The following MBTD1 variants were observed in gnomAD, a reference collection of about 807,000 sequenced individuals.
MBTD1 encodes mbt domain containing 1.
Under a neutral mutation model 87.8 loss-of-function variants are expected in MBTD1, and 24 were observed. The ratio of observed to expected loss-of-function variants is 0.27; its 90% CI spans 0.20 to 0.38. The LOEUF is 0.38. Ranked by LOEUF, MBTD1 falls within the 10% of genes least tolerant of loss-of-function variation. The pLI is 1.00. For synonymous variants in MBTD1, 237 were observed against 248.6 expected, an observed-to-expected ratio of 0.95 and a Z score of 0.44; for missense variants, 436 against 760.2, an observed-to-expected ratio of 0.57 and a Z score of 5.02.
intron 4 of MBTD1, among the ~76,000 whole-genome samples, chr17:51,219,574 A>C (rs552902801): frequency 2.0e-5 from 3 of 152,350 alleles, no homozygotes; most frequent in Non-Finnish European, 4.4e-5. Flanking sequence ...ATCTTTAGGT[A>C]CTGTCTATCT....
chr17:51,201,489 A>G (rs1374758064), intron 12 of MBTD1, 103 bp downstream of exon 12: 2 of 666,478 alleles, frequency 3.0e-6, no homozygotes, highest in Non-Finnish European at 5.2e-6. Context: ...AGATATACAC[A>G]TACACATTTT....
In MBTD1 at chr17:51,198,865, C is replaced by T. The variant is rs976401861; in HGVS notation, c.1224+2727G>A. 6.0e-4 allele frequency among the ~76,000 whole-genome samples: 91 copies of T among 152,214 alleles called. 1 individual carries two copies. The highest frequency in any genetic ancestry group is 2.1e-3 in the African/African-American group (88 of 41,512). ...ATGCCTAGGCCGAAGTGCAGTGGCT[C>T]GATCTCAGCTCACTGCAACCTCCAC... On this transcript the variant is annotated intron_variant, in intron 12 of 16. Coordinates refer to ENST00000586178, the MANE Select transcript of MBTD1 (RefSeq NM_017643.3).
chr17:51,239,230 G>A (rs1340118735), intron 2 of MBTD1, among the ~76,000 whole-genome samples: 3 of 151,958 alleles, frequency 2.0e-5, no homozygotes, highest in African/African-American at 4.8e-5. Context: ...GACAGTAAAA[G>A]AGCAAATGTC....
At chr17:51,225,641 G>A (rs2053171354) in intron 2 of MBTD1, among the ~76,000 whole-genome samples, 1 of 151,952 alleles carries the variant, frequency 6.6e-6, no homozygotes, top group African/African-American at 2.4e-5. Context: ...ATGGATGTGA[G>A]CCACCTCCCT....
intron 6 of MBTD1, among the ~76,000 whole-genome samples, chr17:51,208,448 A>G (rs371929786): frequency 3.3e-5 from 5 of 152,216 alleles, no homozygotes; most frequent in Admixed American, 6.5e-5. Flanking sequence ...TCTTTCCCCT[A>G]TATCATTCTA....
intron 3 of MBTD1, among the ~76,000 whole-genome samples, chr17:51,221,816 C>T (rs1194127597): frequency 6.6e-6 from 1 of 152,118 alleles, no homozygotes; most frequent in African/African-American, 2.4e-5. Context: ...AATACCACAT[C>T]ATTTTATATA....
intron 2 of MBTD1, among the ~76,000 whole-genome samples, chr17:51,244,778 T>G (rs2054337919): frequency 1.3e-5 from 2 of 152,156 alleles, no homozygotes; most frequent in Non-Finnish European, 2.9e-5. Context: ...ATCAAGATAT[T>G]CCAGGCTCAT....
chr17:51,223,708 G>A (rs950939850), intron 3 of MBTD1, among the ~76,000 whole-genome samples: 2 of 152,042 alleles, frequency 1.3e-5, no homozygotes, highest in Non-Finnish European at 2.9e-5. Context: ...TGGTGGTGCA[G>A]GCCTGTAGTC....
At chr17:51,238,007 C>T (rs12946632) in intron 2 of MBTD1, among the ~76,000 whole-genome samples, 78,065 of 151,966 alleles carry the variant, frequency 0.51, 20,380 homozygotes, top group South Asian at 0.66. Flanking sequence ...GACCCAAAAA[C>T]GTCTTACTGT....
intron 6 of MBTD1, among the ~76,000 whole-genome samples, chr17:51,210,533 A>C (rs978857879): frequency 2.0e-5 from 3 of 152,000 alleles, no homozygotes; most frequent in Non-Finnish European, 4.4e-5. Flanking sequence ...AGGCAGGTGG[A>C]TCACCTGAGG....
intron 12 of MBTD1, among the ~76,000 whole-genome samples, chr17:51,197,525 T>C (rs961287203): frequency 2.0e-5 from 3 of 151,442 alleles, no homozygotes; most frequent in South Asian, 2.1e-4. Flanking sequence ...CTTTTCTTTT[T>C]TTTTTTTTTT....
chr17:51,225,337 C>T (rs2053148774), intron 2 of MBTD1, 128 bp from the exon 3 acceptor site: 1 of 461,356 alleles, frequency 2.2e-6, no homozygotes, highest in Non-Finnish European at 3.7e-6. Flanking sequence ...TAACCATTTT[C>T]TTTCTTTTTT....
chr17:51,254,361 G>C (rs1158477485), intron 2 of MBTD1, among the ~76,000 whole-genome samples: 1 of 152,142 alleles, frequency 6.6e-6, no homozygotes, highest in African/African-American at 2.4e-5. Flanking sequence ...AAATGGTAAG[G>C]ATTTGGGATT....
At chr17:51,244,227 A>G (rs953970832) in intron 2 of MBTD1, among the ~76,000 whole-genome samples, 12 of 152,210 alleles carry the variant, frequency 7.9e-5, no homozygotes, top group Admixed American at 7.2e-4. Context: ...TCCCAACTCC[A>G]GCACTTTTTT....
intron 16 of MBTD1, among the ~76,000 whole-genome samples, chr17:51,182,250 G>A (rs939881752): frequency 1.3e-5 from 2 of 150,052 alleles, no homozygotes; most frequent in African/African-American, 2.5e-5. Context: ...TCAGCCTCCC[G>A]AGTGGCTGGG....
intron 4 of MBTD1, 88 bp from the exon 5 acceptor site, chr17:51,219,132 T>A: frequency 1.5e-6 from 1 of 664,272 alleles, no homozygotes; most frequent in Non-Finnish European, 2.7e-6. Context: ...ACATTCTGCT[T>A]AAGTAAACAT....
chr17:51,207,219 A>G (rs1191662085), intron 6 of MBTD1, among the ~76,000 whole-genome samples: 2 of 152,348 alleles, frequency 1.3e-5, no homozygotes, highest in East Asian at 1.9e-4. Flanking sequence ...ATTCATGCTG[A>G]CTTCAAAATC....
intron 13 of MBTD1, among the ~76,000 whole-genome samples, chr17:51,194,566 CAAAAAAAAAA>C (rs71355733): frequency 5.1e-5 from 1 of 19,752 alleles, no homozygotes; most frequent in Non-Finnish European, 8.2e-5. Flanking sequence ...GAGACTGTCT[CAAAAAAAAAA>C]AAAAAAAAAA....
chr17:51,228,026 T>C (rs1438491777), intron 2 of MBTD1, among the ~76,000 whole-genome samples: 1 of 152,106 alleles, frequency 6.6e-6, no homozygotes, highest in Non-Finnish European at 1.5e-5. Context: ...TTGTAGGAGA[T>C]AATATTTCTA....
Sources: gnomAD v4.1 joint callset for allele counts (sites outside exome capture counted in the v4.1 genomes callset) on GRCh38, gnomAD v4.1.1 for gene constraint, MANE v1.5 for transcripts, NCBI Gene and HGNC (gene_info 2026-07-23, HGNC 2026-07-21) for gene names.